The following TMEM114 variants were observed in gnomAD, a reference collection of about 807,000 sequenced individuals.
TMEM114 encodes transmembrane protein 114, also known as claudin-26.
Under a neutral mutation model 6.2 loss-of-function variants are expected in TMEM114, and 6 were observed. The ratio of observed to expected loss-of-function variants is 0.97; its 90% CI spans 0.53 to 1.91. TMEM114 has a LOEUF of 1.91. Among genes scored for constraint, TMEM114 ranks in the 40% most tolerant of loss-of-function variants. The probability of loss-of-function intolerance (pLI) is 0.01; values close to 1 mark genes in which losing one functional copy is unlikely to be tolerated. For synonymous variants in TMEM114, 104 were observed against 73.0 expected (o/e 1.42, Z -2.16); for missense variants, 218 against 158.3 (o/e 1.38, Z -2.02).
chr16:8,529,390 T>C, the TMEM114 span, among the ~76,000 whole-genome samples: 1 of 152,186 alleles, frequency 6.6e-6, no homozygotes. Flanking sequence ...GAAATGGCTC[T>C]TCCTTGTCGC....
At chr16:8,568,825 T>G (rs1269014607), downstream of TMEM114, among the ~76,000 whole-genome samples, 2 of 152,036 alleles carry the variant, frequency 1.3e-5, no homozygotes, top group Admixed American at 6.5e-5. Context: ...CTAGAGAATA[T>G]CAGATCAAGG....
chr16:8,587,003 G>C (rs893588632), intron 2 of TMEM114, among the ~76,000 whole-genome samples: 5 of 152,128 alleles, frequency 3.3e-5, no homozygotes, highest in Admixed American at 6.6e-5. Context: ...CAACTCACAA[G>C]AGCCAGTTAA....
At chr16:8,564,194 T>A (rs1268191496) in intron 2 of TMEM114, among the ~76,000 whole-genome samples, 3 of 149,726 alleles carry the variant, frequency 2.0e-5, no homozygotes, top group African/African-American at 7.6e-5. Flanking sequence ...AGTGCATGAA[T>A]GAGTGAGTGG....
At chr16:8,584,616 T>C (rs1902256119) in intron 2 of TMEM114, among the ~76,000 whole-genome samples, 1 of 152,142 alleles carries the variant, frequency 6.6e-6, no homozygotes, top group Non-Finnish European at 1.5e-5. Flanking sequence ...TAGTCTGTTT[T>C]CATGCTGCTA....
At chr16:8,589,184 C>T (rs1264204294) in intron 2 of TMEM114, 29 bp downstream of exon 2, 5 of 398,506 alleles carry the variant, frequency 1.3e-5, no homozygotes, top group African/African-American at 1.0e-4. Context: ...CCGGGGCGCT[C>T]CCTCCATCCT....
chr16:8,550,686 AAAAAAAAAAAAACC>A (rs565137787), intron 2 of TMEM114, among the ~76,000 whole-genome samples: 4,933 of 70,112 alleles, frequency 0.07, 281 homozygotes, highest in African/African-American at 0.24. Flanking sequence ...CAAAAAAAAC[AAAAAAAAAAAAACC>A]AAAAAAAAAA....
intron 2 of TMEM114, among the ~76,000 whole-genome samples, chr16:8,558,469 C>G (rs979821068): frequency 6.6e-6 from 1 of 152,152 alleles, no homozygotes; most frequent in African/African-American, 2.4e-5. Flanking sequence ...TAGAAAGACA[C>G]CAGTCATTGG....
downstream of TMEM114, among the ~76,000 whole-genome samples, chr16:8,566,996 G>A (rs925452464): frequency 6.6e-6 from 1 of 150,632 alleles, no homozygotes; most frequent in Admixed American, 6.6e-5. Context: ...CACCTCCTGG[G>A]TTCAAGTGAT....
chr16:8,577,641 T>C (rs545759716), intron 2 of TMEM114, among the ~76,000 whole-genome samples: 4 of 152,028 alleles, frequency 2.6e-5, no homozygotes, highest in Admixed American at 6.6e-5. Context: ...TGGAATGCAA[T>C]GGTGCCATCT....
chr16:8,546,921 G>T (rs80142382), intron 2 of TMEM114, among the ~76,000 whole-genome samples: 1 of 152,180 alleles, frequency 6.6e-6, no homozygotes, highest in South Asian at 2.1e-4. Flanking sequence ...ATTTGGTTGG[G>T]CTGCGTTTAT....
chr16:8,549,621 TC>T (rs1242136682), intron 2 of TMEM114, among the ~76,000 whole-genome samples: 1 of 152,162 alleles, frequency 6.6e-6, no homozygotes, highest in Non-Finnish European at 1.5e-5. Context: ...TATCATGTTT[TC>T]CTTCGTGTGT....
At chr16:8,560,540 G>C (rs995230989) in intron 2 of TMEM114, among the ~76,000 whole-genome samples, 1 of 152,160 alleles carries the variant, frequency 6.6e-6, no homozygotes, top group African/African-American at 2.4e-5. Context: ...CCAAAAGGCG[G>C]GTTGTTTATT....
chr16:8,542,279 G>C (rs1900538425), intron 2 of TMEM114, among the ~76,000 whole-genome samples: 3 of 152,282 alleles, frequency 2.0e-5, no homozygotes, highest in African/African-American at 7.2e-5. Flanking sequence ...CTCTACTGAA[G>C]TGTTCTTTTC....
intron 2 of TMEM114, among the ~76,000 whole-genome samples, chr16:8,574,843 G>C (rs1901863119): frequency 6.6e-6 from 1 of 152,154 alleles, no homozygotes; most frequent in African/African-American, 2.4e-5. Context: ...GCCTGGGTAA[G>C]AGCAAGCCAC....
chr16:8,553,719 G>T (rs141793079), intron 2 of TMEM114, among the ~76,000 whole-genome samples: 3 of 152,024 alleles, frequency 2.0e-5, no homozygotes, highest in Admixed American at 2.0e-4. Flanking sequence ...CTGACCTCAT[G>T]GTCCGCCCAC....
intron 2 of TMEM114, among the ~76,000 whole-genome samples, chr16:8,546,411 C>G (rs545346655): frequency 2.4e-4 from 37 of 152,178 alleles, no homozygotes; most frequent in Non-Finnish European, 4.6e-4. Context: ...AATGTACCGA[C>G]AGTAGCCAGA....
chr16:8,577,499 A>G (rs1290489784), intron 2 of TMEM114, among the ~76,000 whole-genome samples: 1 of 152,174 alleles, frequency 6.6e-6, no homozygotes, highest in Non-Finnish European at 1.5e-5. Flanking sequence ...TCATTTGTAA[A>G]AAATATTTAA....
At chr16:8,570,049 C>A in intron 3 of TMEM114, 44 bp from the exon 4 acceptor site, 10 of 1,514,094 alleles carry the variant, frequency 6.6e-6, no homozygotes, top group Non-Finnish European at 8.9e-6. Context: ...CCCCACCCCG[C>A]CCCAGCACTC....
downstream of TMEM114, among the ~76,000 whole-genome samples, chr16:8,533,751 T>C (rs966365467): frequency 1.3e-5 from 2 of 152,236 alleles, no homozygotes; most frequent in African/African-American, 2.4e-5. Flanking sequence ...GGTTACTTCA[T>C]TGAGTTTTCC....
Sources: allele counts gnomAD v4.1 joint callset (sites outside exome capture counted in the v4.1 genomes callset), GRCh38; gene constraint gnomAD v4.1.1; transcripts MANE v1.5; gene names NCBI Gene and HGNC (gene_info 2026-07-23, HGNC 2026-07-21).